Variants in CCDC7 observed in about 807,000 individuals in gnomAD.
CCDC7 encodes the protein coiled-coil domain-containing protein 7.
Under a neutral mutation model 196.9 loss-of-function variants are expected in CCDC7, and 183 were observed. That is an observed-to-expected ratio of 0.93 (90% CI 0.82 to 1.05). The LOEUF (loss-of-function observed/expected upper bound fraction) is 1.05, where lower values mean the gene tolerates loss of function less well. Among genes scored for constraint, CCDC7 ranks in the 50% least tolerant of loss-of-function variants. The probability of loss-of-function intolerance (pLI) is 0.00; values close to 1 mark genes in which losing one functional copy is unlikely to be tolerated. For missense variants in CCDC7, 1,540 were observed against 1,482.2 expected, an observed-to-expected ratio of 1.04 and a Z score of -0.64; for synonymous variants, 525 against 484.6, an observed-to-expected ratio of 1.08 and a Z score of -1.10.
At chr10:32,475,045 G>GGT (rs1473857999) in intron 8 of CCDC7, among the ~76,000 whole-genome samples, 1 of 152,126 alleles carries the variant, frequency 6.6e-6, no homozygotes, top group East Asian at 1.9e-4. Context: ...GGGGTAGAAA[G>GGT]GTATATAGAA....
intron 9 of CCDC7, among the ~76,000 whole-genome samples, chr10:32,497,493 G>A (rs2043102834): frequency 2.0e-5 from 3 of 151,920 alleles, no homozygotes; most frequent in Non-Finnish European, 4.4e-5. Flanking sequence ...TAGGGTGTTG[G>A]TTTTAGATCT....
intron 29 of CCDC7, among the ~76,000 whole-genome samples, chr10:32,791,821 T>A (rs2082741955): frequency 6.6e-6 from 1 of 152,226 alleles, no homozygotes; most frequent in Admixed American, 6.5e-5. Flanking sequence ...AATTAAATGA[T>A]GAAAATTATT....
At chr10:32,596,175 C>T (rs1333731055) in intron 18 of CCDC7, among the ~76,000 whole-genome samples, 1 of 151,228 alleles carries the variant, frequency 6.6e-6, no homozygotes, top group Non-Finnish European at 1.5e-5. Context: ...TGCGTGGTCT[C>T]TTTTTAGGTC....
intron 28 of CCDC7, among the ~76,000 whole-genome samples, chr10:32,739,191 C>T (rs147754892): frequency 0.039 from 5,981 of 151,880 alleles, 123 homozygotes; most frequent in Middle Eastern, 0.051. Context: ...CATTAATTTT[C>T]GAAAATTCTT....
chr10:32,821,982 A>G (rs1320266745), intron 31 of CCDC7, among the ~76,000 whole-genome samples: 2 of 141,376 alleles, frequency 1.4e-5, no homozygotes, highest in Non-Finnish European at 3.2e-5. Context: ...AACAAACAAA[A>G]CAATAAATAA....
intron 24 of CCDC7, among the ~76,000 whole-genome samples, chr10:32,707,224 T>G (rs1301752501): frequency 6.6e-6 from 1 of 152,228 alleles, no homozygotes; most frequent in Non-Finnish European, 1.5e-5. Context: ...AAGAACCACA[T>G]GATTGTGTCA....
At chr10:32,470,009 T>A (rs1003362255) in intron 5 of CCDC7, among the ~76,000 whole-genome samples, 5 of 152,230 alleles carry the variant, frequency 3.3e-5, no homozygotes, top group African/African-American at 2.4e-5. Context: ...TTATTTGGAA[T>A]ATTTTCTTTG....
At chr10:32,453,427 A>G (rs2033592117) in exon 2 of CCDC7, 2 of 1,535,236 alleles carry the variant, frequency 1.3e-6, no homozygotes, top group African/African-American at 1.4e-5. Context: ...ATGAAGAATT[A>G]TCTTTATCTG....
intron 29 of CCDC7, among the ~76,000 whole-genome samples, chr10:32,794,044 T>C (rs1350772797): frequency 2.6e-5 from 4 of 152,156 alleles, no homozygotes; most frequent in East Asian, 1.9e-4. Flanking sequence ...GCTTGGTGTA[T>C]GAAAGATCTC....
upstream of CCDC7, among the ~76,000 whole-genome samples, chr10:32,444,194 C>T (rs527775169): frequency 6.6e-6 from 1 of 152,172 alleles, no homozygotes; most frequent in Non-Finnish European, 1.5e-5. Flanking sequence ...CAATTTTTCA[C>T]TATTGAAAAT....
chr10:32,805,594 T>G (rs1364561010), intron 30 of CCDC7, among the ~76,000 whole-genome samples: 1 of 152,224 alleles, frequency 6.6e-6, no homozygotes, highest in Non-Finnish European at 1.5e-5. Flanking sequence ...ATTATACTAC[T>G]GCCTTTGGTA....
chr10:32,540,939 T>C (rs2051303981), intron 11 of CCDC7, among the ~76,000 whole-genome samples: 1 of 152,172 alleles, frequency 6.6e-6, no homozygotes, highest in Non-Finnish European at 1.5e-5. Flanking sequence ...TGGGTAAGTG[T>C]TCATCAATGA....
chr10:32,831,536 G>A (rs2092169180), intron 32 of CCDC7, among the ~76,000 whole-genome samples: 1 of 152,032 alleles, frequency 6.6e-6, no homozygotes. Context: ...TTGTACAGTT[G>A]TACAAAAATA....
chr10:32,566,885 C>T (rs574157639), intron 14 of CCDC7, among the ~76,000 whole-genome samples: 1 of 142,674 alleles, frequency 7.0e-6, no homozygotes, highest in Non-Finnish European at 1.5e-5. Context: ...ATATATATAG[C>T]TAATATATAT....
At chr10:32,814,372 C>T (rs760654136) in exon 31 of CCDC7, 22 of 1,594,256 alleles carry the variant, frequency 1.4e-5, no homozygotes, top group Non-Finnish European at 1.8e-5. Flanking sequence ...TTCTATAGGG[C>T]CTGATATAGA....
In CCDC7 at chr10:32,862,598, G is replaced by A. The variant is rs887002784; in HGVS notation, c.4111+8109G>A. Among the ~76,000 whole-genome samples the A allele has an allele frequency of 2.6e-5, 4 of 151,060 alleles. 1 individual carries two copies. Among genetic ancestry groups the A allele is most frequent in the Non-Finnish European group, 4.4e-5 (3 of 67,768 alleles). On this transcript the variant is annotated intron_variant, in intron 41 of 41. Transcript: ENST00000639629. ...CACAGCTAACATCATAATCAACAGA[G>A]AACACCTTAAAACTTCTCCACTAAG...
At chr10:32,446,524 T>G (rs899323231) in intron 1 of CCDC7, 127 bp downstream of exon 1, 2 of 152,440 alleles carry the variant, frequency 1.3e-5, no homozygotes, top group African/African-American at 4.8e-5. Context: ...CTGCTTTTTA[T>G]GCAGGATGTA....
chr10:32,531,135 T>A (rs1366688503), intron 11 of CCDC7, among the ~76,000 whole-genome samples: 1 of 152,208 alleles, frequency 6.6e-6, no homozygotes, highest in Admixed American at 6.5e-5. Flanking sequence ...TTGATTCTTT[T>A]TTTTTGAGAC....
At chr10:32,487,257 C>G (rs1445744795) in intron 8 of CCDC7, among the ~76,000 whole-genome samples, 2 of 152,168 alleles carry the variant, frequency 1.3e-5, no homozygotes, top group East Asian at 3.9e-4. Flanking sequence ...CACTGATACC[C>G]TTTCTTCCAG....
Sources: gnomAD v4.1 joint callset for allele counts (sites outside exome capture counted in the v4.1 genomes callset) on GRCh38, gnomAD v4.1.1 for gene constraint, MANE v1.5 for transcripts, NCBI Gene and HGNC (gene_info 2026-07-23, HGNC 2026-07-21) for gene names.